The following TUBGCP6 variants were observed in gnomAD, a reference collection of about 807,000 sequenced individuals.
TUBGCP6 encodes the protein gamma-tubulin complex component 6.
Under a neutral mutation model 175.8 loss-of-function variants are expected in TUBGCP6, and 161 were observed. That is an observed-to-expected ratio of 0.92 (90% CI 0.81 to 1.04). TUBGCP6 has a LOEUF of 1.04. Among genes scored for constraint, TUBGCP6 ranks in the 50% least tolerant of loss-of-function variants. The pLI, the probability that TUBGCP6 is intolerant of heterozygous loss-of-function variation, is 0.00. For missense variants in TUBGCP6, 2,572 were observed against 2,433.0 expected, an observed-to-expected ratio of 1.06 and a Z score of -1.20; for synonymous variants, 1,173 against 1,030.5, an observed-to-expected ratio of 1.14 and a Z score of -2.65.
chr22:50,240,165 G>A lies in TUBGCP6; in HGVS notation c.905+39C>T, dbSNP rs964394810. ...CATCCAAGGCCACGCTCATGCAGGG[G>A]TAGGGGCACTGCATGCCAAGGCAAA... On this transcript the variant is annotated intron_variant, in intron 2 of 24. Transcript: ENST00000248846. 3.4e-5 allele frequency: 55 copies of A among 1,611,494 alleles called. No homozygotes were observed. Among genetic ancestry groups the A allele is most frequent in the Non-Finnish European group, 4.4e-5 (52 of 1,179,634 alleles).
rs921365816 is a variant in TUBGCP6 at position 50,244,578 on chromosome 22, T to G, written c.-119A>C. 6 of 1,425,322 alleles carry G rather than the reference T, an allele frequency of 4.2e-6. No individual in the cohort carries two copies. Among genetic ancestry groups the G allele is most frequent in the Non-Finnish European group, 5.5e-6 (6 of 1,089,302 alleles). 88.3% of individuals were successfully genotyped at this position (1,425,322 alleles called of 1,614,324 possible). The stretch of plus-strand genomic sequence containing the variant: ...AAGAGGCTGAATGACAGGCGGCCTC[T>G]CCAATGCCGAAGCTCAGAACTGGTA... On this transcript the variant is annotated 5_prime_UTR_variant, in exon 1 of 25. Transcript: ENST00000248846.
chr22:50,232,979 C>G (rs2064713276), intron 3 of TUBGCP6, among the ~76,000 whole-genome samples: 1 of 152,218 alleles, frequency 6.6e-6, no homozygotes, highest in African/African-American at 2.4e-5. Context: ...TCTCGGCAGG[C>G]AGATGCTCCT....
intron 3 of TUBGCP6, among the ~76,000 whole-genome samples, chr22:50,232,164 G>A (rs1644562601): frequency 6.6e-6 from 1 of 151,466 alleles, no homozygotes; most frequent in Non-Finnish European, 1.5e-5. Context: ...CAGGAGTCAA[G>A]AGACCAGCCT....
In TUBGCP6 at chr22:50,244,429, G is replaced by A. The variant is rs757134601; in HGVS notation, c.31C>T (p.Leu11=). Residue 11 remains leucine (L), a synonymous_variant, in exon 1 of 25, where the codon CTG becomes TTG. Coordinates refer to ENST00000248846, the MANE Select transcript of TUBGCP6 (RefSeq NM_020461.4). The part of the protein sequence containing the change: MASITQLFDD[L]CEALLPAAKT... ...GCAGCCGGCAGGAGGGCCTCACACA[G>A]GTCGTCGAACAGCTGCGTGATGCTG... The A allele has an allele frequency of 1.7e-5, 27 of 1,612,562 alleles. No individual in the cohort carries two copies. The highest frequency in any genetic ancestry group is 1.6e-4 in the Middle Eastern group (1 of 6,084).
chr22:50,221,174 C>G lies in TUBGCP6; in HGVS notation c.3185G>C (p.Arg1062Thr). 2 of 1,608,216 alleles carry G rather than the reference C, an allele frequency of 1.2e-6. No individual in the cohort carries two copies. Among genetic ancestry groups the G allele is most frequent in the Non-Finnish European group, 1.7e-6 (2 of 1,175,166 alleles). Reference protein sequence around the residue: ...THGHVSDASIRVGENVSDVAP... With the variant: ...THGHVSDASITVGENVSDVAP... The stretch of plus-strand genomic sequence containing the variant: ...CACATCTGACACATTCTCCCCGACC[C>G]TGATGCTGGCGTCAGACACGTGCCC... Residue 1062 changes from arginine (R) to threonine (T), a missense_variant, in exon 16 of 25, where the codon AGG (arginine) becomes ACG (threonine). Physicochemically the swap from Arg to Thr is moderately conservative, Grantham distance 71. Coordinates refer to ENST00000248846, the MANE Select transcript of TUBGCP6 (RefSeq NM_020461.4).
In TUBGCP6 at chr22:50,226,385, TG is replaced by T; in HGVS notation, c.1602-8del. The T allele has an allele frequency of 6.3e-7, 1 of 1,592,242 alleles. No homozygotes were observed. Among genetic ancestry groups the T allele is most frequent in the South Asian group, 1.1e-5 (1 of 89,110 alleles). ...CACCCAGTCGTGGATGAACCTGCAG[TG>T]GGGGAAAAGCAGGGGTAGATGTGGT... On this transcript the variant is annotated splice_region_variant and splice_polypyrimidine_tract_variant and intron_variant, in intron 7 of 24. Coordinates refer to ENST00000248846, the MANE Select transcript of TUBGCP6 (RefSeq NM_020461.4).
At chr22:50,233,624 G>C in intron 2 of TUBGCP6, 98 bp from the exon 3 acceptor site, 1 of 1,181,834 alleles carries the variant, frequency 8.5e-7, no homozygotes, top group Admixed American at 2.2e-5. Context: ...ACAGAAGAAT[G>C]GAAGTGATTC....
chr22:50,244,989 T>C lies in TUBGCP6; in HGVS notation c.-530A>G, dbSNP rs181863609. 5,260 of 225,882 alleles carry C rather than the reference T, an allele frequency of 0.023. 131 individuals are homozygous for C. The highest frequency in any genetic ancestry group is 0.12 in the East Asian group (933 of 7,590). 14.0% of individuals were successfully genotyped at this position (225,882 alleles called of 1,614,324 possible). A position where few individuals can be genotyped will look rare whatever the true frequency, so the allele number is the denominator to read the frequency against. ...TGGAAAGTGCCCACGGCTGCCGCTC[T>C]CGCCGCCTCCGTCGCGTCACAGCCG... On this transcript the variant is annotated 5_prime_UTR_variant, in exon 1 of 25. Transcript: ENST00000248846.
chr22:50,241,496 T>G (rs2064838390), intron 1 of TUBGCP6, among the ~76,000 whole-genome samples: 1 of 152,162 alleles, frequency 6.6e-6, no homozygotes, highest in African/African-American at 2.4e-5. Flanking sequence ...CCCGCAGTTA[T>G]CCAGAGGCCT....
At chr22:50,217,889 G>C (rs371551733) in intron 24 of TUBGCP6, 29 bp downstream of exon 24, 1 of 1,604,552 alleles carries the variant, frequency 6.2e-7, no homozygotes, top group South Asian at 1.1e-5. Context: ...TGGCCCCCCC[G>C]CAGCCCTCCC....
chr22:50,226,231 C>A, intron 8 of TUBGCP6, 42 bp from the exon 9 acceptor site: 2 of 1,614,024 alleles, frequency 1.2e-6, no homozygotes, highest in Non-Finnish European at 1.7e-6. Context: ...ATGGCCATGG[C>A]CCTGAACCCA....
intron 15 of TUBGCP6, 37 bp from the exon 16 acceptor site, chr22:50,221,911 A>T: frequency 6.5e-7 from 1 of 1,542,256 alleles, no homozygotes; most frequent in Non-Finnish European, 8.8e-7. Flanking sequence ...GTCTGGTCTC[A>T]GGACCCCCCA....
Position 50,233,500 on chromosome 22 carries a change from T to C in TUBGCP6, c.932A>G (p.Tyr311Cys). 6.2e-7 allele frequency: 1 copy of C among 1,608,710 alleles called. No homozygotes were observed. Among genetic ancestry groups the C allele is most frequent in the African/African-American group, 1.3e-5 (1 of 74,874 alleles). ...AGCGTCCCTTCCCGCCTCCGTCAGG[T>C]AAGGCTCCTCTCTGTGGCCAGGGGG... ...GCPPGHREEP[Y>C]LTEAGRDAFD... is the part of the protein sequence containing the mutation. The change falls in exon 3 of 25, where the codon TAC becomes TGC. Residue 311 changes from tyrosine to cysteine, a missense_variant. By Grantham distance (194) the Tyr-to-Cys change is radical. Coordinates refer to ENST00000248846, the MANE Select transcript of TUBGCP6 (RefSeq NM_020461.4).
At chr22:50,230,719 C>G (rs1745856108) in intron 3 of TUBGCP6, among the ~76,000 whole-genome samples, 1 of 147,326 alleles carries the variant, frequency 6.8e-6, no homozygotes, top group South Asian at 2.2e-4. Flanking sequence ...GTTGAGGCTG[C>G]AGTGAGTCAT....
In TUBGCP6 at chr22:50,220,602, C is replaced by G. The variant is rs1361944388; in HGVS notation, c.3757G>C (p.Gly1253Arg). 1 of 1,613,418 alleles carries G rather than the reference C, an allele frequency of 6.2e-7. No individual in the cohort carries two copies. The highest frequency in any genetic ancestry group is 8.5e-7 in the Non-Finnish European group (1 of 1,179,886). ...GHVSDASISL[G>R]EPVSDVVSTR... Reference sequence around the variant, plus strand: ...GAAACCACATCCGACACAGGCTCCCCCAAGCTGATGCTGGCGTCGGACACG... The same window carrying G: ...GAAACCACATCCGACACAGGCTCCCGCAAGCTGATGCTGGCGTCGGACACG... Residue 1253 changes from glycine (G) to arginine (R), a missense_variant, in exon 16 of 25, where the codon GGG (glycine) becomes CGG (arginine). By Grantham distance (125) the Gly-to-Arg change is moderately radical. Coordinates refer to ENST00000248846, the MANE Select transcript of TUBGCP6 (RefSeq NM_020461.4).
chr22:50,219,561 C>T (rs983827009), intron 18 of TUBGCP6, 83 bp downstream of exon 18: 19 of 1,588,560 alleles, frequency 1.2e-5, no homozygotes, highest in Middle Eastern at 3.6e-4. Context: ...GCCCAGGGCT[C>T]CGCCCCAACC....
chr22:50,220,043 C>T, intron 16 of TUBGCP6, 28 bp from the exon 17 acceptor site: 1 of 1,610,634 alleles, frequency 6.2e-7, no homozygotes, highest in Non-Finnish European at 8.5e-7. Context: ...GACACGAGGG[C>T]ATCAGGGCCG....
chr22:50,227,120 G>C (rs761029415), intron 5 of TUBGCP6, 43 bp from the exon 6 acceptor site: 5 of 1,560,702 alleles, frequency 3.2e-6, no homozygotes, highest in Non-Finnish European at 4.4e-6. Context: ...CGGGCTCAGG[G>C]TTCCCAGGCC....
In TUBGCP6 at chr22:50,220,723, C is replaced by A. The variant is rs1307570133; in HGVS notation, c.3636G>T (p.Trp1212Cys). The change falls in exon 16 of 25, where the codon TGG becomes TGT. Residue 1212 changes from tryptophan to cysteine, a missense_variant. Trp to Cys is a radical substitution (Grantham distance 215, BLOSUM62 -2). Transcript: ENST00000248846. The part of the protein sequence containing the change: ...VSDMAPTRPR[W>C]NTHGHVSDTS... ...TGTCAGACACATGTCCGTGGGTGTT[C>A]CACCGTGGCCGGGTGGGAGCCATGT... 4.3e-6 allele frequency: 7 copies of A among 1,611,074 alleles called. No individual in the cohort carries two copies. Among genetic ancestry groups the A allele is most frequent in the South Asian group, 3.3e-5 (3 of 90,854 alleles).
Sources: allele counts gnomAD v4.1 joint callset (sites outside exome capture counted in the v4.1 genomes callset), GRCh38; gene constraint gnomAD v4.1.1; transcripts MANE v1.5; gene names NCBI Gene and HGNC (gene_info 2026-07-23, HGNC 2026-07-21).